PPP2R5A: variants seen among roughly 807,000 people sequenced by gnomAD.
PPP2R5A encodes protein phosphatase 2 regulatory subunit B'alpha.
Under a neutral mutation model 64.2 loss-of-function variants are expected in PPP2R5A, and 25 were observed. That is an observed-to-expected ratio of 0.39 (90% confidence interval 0.28 to 0.54). The LOEUF (loss-of-function observed/expected upper bound fraction) is 0.54, where lower values mean the gene tolerates loss of function less well. Among genes scored for constraint, PPP2R5A ranks in the 20% least tolerant of loss-of-function variants. The pLI is 0.67. For synonymous variants in PPP2R5A, 198 were observed against 201.2 expected (o/e 0.98, Z 0.13); for missense variants, 425 against 576.3 (o/e 0.74, Z 2.69).
In PPP2R5A at chr1:212,347,361, CAG is replaced by C; in HGVS notation, c.721_722del (p.Glu241ThrfsTer7). The C allele has an allele frequency of 6.3e-7, 1 of 1,588,618 alleles. No homozygotes were observed. ...TTTAAATTCAGGTTTATATATGAAACAGAACATTTCAATGGTGTTGCTGAACT... is the reference window on the plus strand; with the variant it reads ...TTTAAATTCAGGTTTATATATGAAACAACATTTCAATGGTGTTGCTGAACT... On this transcript the variant is annotated frameshift_variant, in exon 6 of 13. Transcript: ENST00000261461. LOFTEE classifies it high-confidence loss of function.
chr1:212,353,572 T>C (rs1659924847), intron 8 of PPP2R5A, among the ~76,000 whole-genome samples: 1 of 152,210 alleles, frequency 6.6e-6, no homozygotes, highest in Non-Finnish European at 1.5e-5. Context: ...TTAAAATCCA[T>C]ATATACATGA....
At chr1:212,324,365 C>T (rs1051780311) in intron 1 of PPP2R5A, among the ~76,000 whole-genome samples, 2 of 152,166 alleles carry the variant, frequency 1.3e-5, no homozygotes, top group African/African-American at 4.8e-5. Flanking sequence ...ATCACATAAG[C>T]AGTCTGTTGT....
chr1:212,320,617 CG>C (rs1253609200), intron 1 of PPP2R5A, among the ~76,000 whole-genome samples: 2 of 147,304 alleles, frequency 1.4e-5, no homozygotes, highest in Admixed American at 6.7e-5. Flanking sequence ...GCTGGCCGGG[CG>C]GGGGGCTGAC....
rs879565440 is a variant in PPP2R5A, at chr1:212,358,892, GA to G, written c.1328+107del. On this transcript the variant is annotated intron_variant, in intron 12 of 12. Transcript: ENST00000261461. ...TCTCAGTTCAGATTTTCATATTTAA[GA>G]AGTTAATTACCTTATAGTAAACATT... is the stretch of plus-strand genomic sequence containing the variant. The G allele has an allele frequency of 1.1e-3, 913 of 823,760 alleles. 17 individuals are homozygous for G. The Admixed American group carries it at 0.023, about 21-fold the overall frequency. The allele number at this position is 823,760 out of a possible 1,614,324, so 51.0% of individuals were successfully genotyped here.
At chr1:212,343,647 T>C (rs1558152469) in intron 4 of PPP2R5A, among the ~76,000 whole-genome samples, 1 of 152,242 alleles carries the variant, frequency 6.6e-6, no homozygotes, top group Non-Finnish European at 1.5e-5. Flanking sequence ...CAGTAACATA[T>C]ACATTTTAAT....
At chr1:212,302,113 G>C in intron 1 of PPP2R5A, 1 of 1,495,864 alleles carries the variant, frequency 6.7e-7, no homozygotes, top group South Asian at 1.2e-5. Flanking sequence ...TAAGATTTCA[G>C]TGTTCTACTT....
intron 1 of PPP2R5A, among the ~76,000 whole-genome samples, chr1:212,322,121 G>A (rs1659310789): frequency 6.6e-6 from 1 of 151,400 alleles, no homozygotes; most frequent in African/African-American, 2.4e-5. Context: ...AGGTTGCAGT[G>A]AGCCGAGATG....
intron 1 of PPP2R5A, among the ~76,000 whole-genome samples, chr1:212,322,289 G>T (rs961555118): frequency 2.0e-5 from 3 of 147,298 alleles, no homozygotes; most frequent in African/African-American, 5.1e-5. Flanking sequence ...AGGAGGGAGA[G>T]GGAGAGCTTC....
intron 1 of PPP2R5A, among the ~76,000 whole-genome samples, chr1:212,306,189 G>T (rs1306942754): frequency 6.6e-6 from 1 of 152,134 alleles, no homozygotes; most frequent in African/African-American, 2.4e-5. Context: ...GGCACGTAAA[G>T]GAAAGTGGAG....
At chr1:212,336,422 C>T (rs1003590673) in intron 3 of PPP2R5A, among the ~76,000 whole-genome samples, 2 of 152,028 alleles carry the variant, frequency 1.3e-5, no homozygotes, top group East Asian at 1.9e-4. Flanking sequence ...GCCCAAAATA[C>T]GATTTTTGAG....
chr1:212,342,421 A>G, intron 4 of PPP2R5A, 141 bp downstream of exon 4: 4 of 1,161,402 alleles, frequency 3.4e-6, no homozygotes, highest in Non-Finnish European at 3.5e-6. Context: ...CCATTAGAAT[A>G]AAAGTGAAGT....
At chr1:212,336,082 A>G (rs1371873136) in intron 3 of PPP2R5A, among the ~76,000 whole-genome samples, 3 of 152,002 alleles carry the variant, frequency 2.0e-5, no homozygotes, top group Non-Finnish European at 4.4e-5. Context: ...GGAGGTGGTA[A>G]GTTGCTTTCA....
chr1:212,310,013 C>T (rs540173263), intron 1 of PPP2R5A, among the ~76,000 whole-genome samples: 1 of 152,308 alleles, frequency 6.6e-6, no homozygotes, highest in African/African-American at 2.4e-5. Flanking sequence ...TTTGTAAAGC[C>T]TCTGATCTTG....
chr1:212,287,902 GAT>G (rs1268514749), intron 1 of PPP2R5A, among the ~76,000 whole-genome samples: 1 of 151,952 alleles, frequency 6.6e-6, no homozygotes, highest in Non-Finnish European at 1.5e-5. Flanking sequence ...TTTTTAGTAA[GAT>G]ATTCTAGTTT....
intron 1 of PPP2R5A, among the ~76,000 whole-genome samples, chr1:212,325,724 G>A (rs1659397356): frequency 6.6e-6 from 1 of 152,014 alleles, no homozygotes; most frequent in African/African-American, 2.4e-5. Context: ...ATAGATAACT[G>A]TATAAAGATA....
In PPP2R5A at chr1:212,357,285, G is replaced by A. The variant is rs746097381; in HGVS notation, c.1226+1G>A. 3 of 1,561,882 alleles carry A rather than the reference G, an allele frequency of 1.9e-6. No individual in the cohort carries two copies. The highest frequency in any genetic ancestry group is 2.2e-5 in the Admixed American group (1 of 46,416). ...AAATTTCCAAAGAACACTGGAATCC[G>A]TAAGTATCTTTTATATAGGTCGTAT... On this transcript the variant is annotated splice_donor_variant, in intron 11 of 12. Transcript: ENST00000261461. LOFTEE classifies it high-confidence loss of function.
At chr1:212,288,310 C>T (rs1157090350) in intron 1 of PPP2R5A, among the ~76,000 whole-genome samples, 12 of 152,202 alleles carry the variant, frequency 7.9e-5, no homozygotes, top group Admixed American at 7.2e-4. Flanking sequence ...GCCACCGCAC[C>T]TGGCCACATT....
intron 9 of PPP2R5A, 33 bp from the exon 10 acceptor site, chr1:212,356,914 TATC>T (rs1659987058): frequency 1.4e-6 from 2 of 1,452,918 alleles, no homozygotes; most frequent in Middle Eastern, 1.8e-4. Flanking sequence ...TCACATAATT[TATC>T]ATGTTTCTTA....
intron 1 of PPP2R5A, among the ~76,000 whole-genome samples, chr1:212,324,676 C>T (rs534691927): frequency 6.6e-6 from 1 of 151,468 alleles, no homozygotes; most frequent in Admixed American, 6.6e-5. Context: ...ACAATCTGGG[C>T]TCACTGCAAG....
Sources: allele counts gnomAD v4.1 joint callset (sites outside exome capture counted in the v4.1 genomes callset), GRCh38; gene constraint gnomAD v4.1.1; transcripts MANE v1.5; gene names NCBI Gene and HGNC (gene_info 2026-07-23, HGNC 2026-07-21).